Variants in PLPP4 observed in about 807,000 individuals in gnomAD.
The protein encoded by PLPP4 is phospholipid phosphatase 4, also known as diacylglycerol pyrophosphate like 2.
A neutral mutation model predicts 32.2 loss-of-function variants in PLPP4; 20 were observed. The ratio of observed to expected loss-of-function variants is 0.62; its 90% confidence interval spans 0.44 to 0.90. The LOEUF (loss-of-function observed/expected upper bound fraction) is 0.90, where lower values mean the gene tolerates loss of function less well. Ranked by LOEUF, PLPP4 falls within the 40% of genes least tolerant of loss-of-function variation. The pLI is 0.00. For synonymous variants in PLPP4, 127 were observed against 133.0 expected (o/e 0.95, Z 0.31); for missense variants, 257 against 353.1 (o/e 0.73, Z 2.18).
At chr10:120,538,854 A>T (rs2901245) in intron 5 of PLPP4, among the ~76,000 whole-genome samples, 1 of 152,088 alleles carries the variant, frequency 6.6e-6, no homozygotes, top group African/African-American at 2.4e-5. Context: ...TGTCCAGTTG[A>T]GGAAACTGAG....
At chr10:120,470,223 G>C (rs568053014) in intron 1 of PLPP4, among the ~76,000 whole-genome samples, 1 of 152,176 alleles carries the variant, frequency 6.6e-6, no homozygotes, top group East Asian at 1.9e-4. Context: ...TTTCACAAGC[G>C]TATTGGCAAT....
intron 1 of PLPP4, among the ~76,000 whole-genome samples, chr10:120,472,209 T>C (rs1382053954): frequency 1.3e-5 from 2 of 152,270 alleles, no homozygotes; most frequent in Admixed American, 1.3e-4. Flanking sequence ...GGTTTTTCCC[T>C]TTGGGATTAT....
intron 5 of PLPP4, among the ~76,000 whole-genome samples, chr10:120,541,429 A>T (rs1417704419): frequency 1.3e-5 from 2 of 152,230 alleles, no homozygotes; most frequent in African/African-American, 4.8e-5. Flanking sequence ...CTGTCCTGAC[A>T]GGTACCTACT....
intron 5 of PLPP4, among the ~76,000 whole-genome samples, chr10:120,528,471 C>A (rs951161006): frequency 6.6e-6 from 1 of 152,156 alleles, no homozygotes; most frequent in African/African-American, 2.4e-5. Context: ...TCTGAGGTCA[C>A]CTCAACTTGT....
intron 5 of PLPP4, among the ~76,000 whole-genome samples, chr10:120,541,749 T>G (rs909099649): frequency 6.6e-6 from 1 of 151,086 alleles, no homozygotes; most frequent in African/African-American, 2.4e-5. Context: ...TGCTGTGCAT[T>G]CAAGAAGCAT....
chr10:120,547,682 G>A (rs1317298771), intron 5 of PLPP4, among the ~76,000 whole-genome samples: 1 of 152,062 alleles, frequency 6.6e-6, no homozygotes, highest in Non-Finnish European at 1.5e-5. Flanking sequence ...GTTTCATGAG[G>A]CACCATACCT....
At chr10:120,477,276 A>G (rs992771792) in intron 1 of PLPP4, among the ~76,000 whole-genome samples, 1 of 149,728 alleles carries the variant, frequency 6.7e-6, no homozygotes, top group Non-Finnish European at 1.5e-5. Flanking sequence ...CTCTACTGCT[A>G]TGTCAGCATT....
intron 3 of PLPP4, among the ~76,000 whole-genome samples, chr10:120,517,909 G>A (rs4237522): frequency 0.96 from 146,193 of 152,340 alleles, 70,336 homozygotes; most frequent in Non-Finnish European, 1. Flanking sequence ...CTCAGCTAGT[G>A]TTGAACAGTT....
intron 1 of PLPP4, among the ~76,000 whole-genome samples, chr10:120,495,083 G>T (rs375565542): frequency 4.1e-4 from 62 of 152,256 alleles, no homozygotes; most frequent in African/African-American, 1.4e-3. Context: ...AGTGCACTCC[G>T]TGCCGTATAG....
intron 5 of PLPP4, among the ~76,000 whole-genome samples, chr10:120,561,399 A>G (rs984004452): frequency 6.6e-6 from 1 of 152,104 alleles, no homozygotes; most frequent in African/African-American, 2.4e-5. Flanking sequence ...CCTACAACAT[A>G]TCATGACCCC....
At chr10:120,551,493 G>A (rs914070537) in intron 5 of PLPP4, among the ~76,000 whole-genome samples, 3 of 150,952 alleles carry the variant, frequency 2.0e-5, no homozygotes, top group Non-Finnish European at 4.4e-5. Context: ...ATCAATAGGA[G>A]AATGGATAGC....
At chr10:120,555,546 A>G (rs1434652318) in intron 5 of PLPP4, among the ~76,000 whole-genome samples, 3 of 152,180 alleles carry the variant, frequency 2.0e-5, no homozygotes, top group Non-Finnish European at 4.4e-5. Flanking sequence ...TGAAACTCCA[A>G]AATAGCTCTC....
chr10:120,587,019 C>T lies in PLPP4; in HGVS notation c.617-2284C>T, dbSNP rs150009283. 9.9e-5 allele frequency among the ~76,000 whole-genome samples: 15 copies of T among 151,716 alleles called. No individual in the cohort carries two copies. The South Asian group carries it at 1.5e-3, about 15-fold the overall frequency. On this transcript the variant is annotated intron_variant, in intron 6 of 6. Transcript: ENST00000398250. ...CCTGAAATATGACTAGAAATGATAT[C>T]GAGCCCTGAAATATTAATAGAAATT...
At chr10:120,561,983 G>T (rs1053291854) in intron 5 of PLPP4, among the ~76,000 whole-genome samples, 9 of 152,150 alleles carry the variant, frequency 5.9e-5, no homozygotes, top group Non-Finnish European at 1.3e-4. Context: ...ATTTTGTCAA[G>T]TTCCATGAAA....
chr10:120,589,265 G>A (rs1340668478), intron 6 of PLPP4, 38 bp from the exon 7 acceptor site: 1 of 1,594,466 alleles, frequency 6.3e-7, no homozygotes, highest in East Asian at 2.2e-5. Flanking sequence ...TTGAACAAAT[G>A]GTAACCCATT....
At chr10:120,544,572 C>G (rs919604494) in intron 5 of PLPP4, among the ~76,000 whole-genome samples, 4 of 152,190 alleles carry the variant, frequency 2.6e-5, no homozygotes, top group African/African-American at 9.7e-5. Flanking sequence ...CTCCCCGGGC[C>G]TCACTCTTCC....
intron 1 of PLPP4, among the ~76,000 whole-genome samples, chr10:120,481,773 T>C (rs1183668387): frequency 2.0e-5 from 3 of 152,266 alleles, no homozygotes; most frequent in Non-Finnish European, 4.4e-5. Flanking sequence ...ATTTAGCAAC[T>C]GATACGGTTT....
At chr10:120,542,030 C>G (rs949056572) in intron 5 of PLPP4, among the ~76,000 whole-genome samples, 1 of 152,190 alleles carries the variant, frequency 6.6e-6, no homozygotes, top group African/African-American at 2.4e-5. Flanking sequence ...TTAAGTCATT[C>G]TTGAAAGTCA....
At position 120,575,143 on chromosome 10, in the gene PLPP4, G is replaced by T; in HGVS notation, c.458G>T (p.Gly153Val). Residue 153 changes from glycine to valine, a missense_variant, in exon 6 of 7, where the codon GGC becomes GTC. Gly to Val is a moderately radical substitution (Grantham distance 109). Coordinates refer to ENST00000398250, the MANE Select transcript of PLPP4 (RefSeq NM_001030059.3). ...TTCTGTTTGGCAGTTGCCTTTTCGG[G>T]CCTTGGCTTCACGACGTTCTACTTG... Reference protein sequence around the residue: ...PSIHSSFAFSGLGFTTFYLAG... With the variant: ...PSIHSSFAFSVLGFTTFYLAG... 1 of 1,613,360 alleles carries T rather than the reference G, an allele frequency of 6.2e-7. No individual in the cohort carries two copies. The highest frequency in any genetic ancestry group is 8.5e-7 in the Non-Finnish European group (1 of 1,179,654).
Sources: allele counts gnomAD v4.1 joint callset (sites outside exome capture counted in the v4.1 genomes callset), GRCh38; gene constraint gnomAD v4.1.1; transcripts MANE v1.5; gene names NCBI Gene and HGNC (gene_info 2026-07-23, HGNC 2026-07-21).